Variants in UBE2V2 observed in about 807,000 individuals in gnomAD.
UBE2V2 encodes ubiquitin-conjugating enzyme E2 variant 2.
In UBE2V2, 9 loss-of-function variants were observed where a neutral mutation model predicts 17.2. The ratio of observed to expected loss-of-function variants is 0.52; its 90% confidence interval spans 0.32 to 0.91. The LOEUF (loss-of-function observed/expected upper bound fraction) is 0.91, where lower values mean the gene tolerates loss of function less well. Ranked by LOEUF, UBE2V2 falls within the 40% of genes least tolerant of loss-of-function variation. The pLI is 0.04. For missense variants in UBE2V2, 133 were observed against 182.6 expected, an observed-to-expected ratio of 0.73 and a Z score of 1.56; for synonymous variants, 61 against 57.5, an observed-to-expected ratio of 1.06 and a Z score of -0.28.
At chr8:48,002,334 G>A in the UBE2V2 span, among the ~76,000 whole-genome samples, 52 of 152,320 alleles carry the variant, frequency 3.4e-4, no homozygotes, top group Middle Eastern at 6.8e-3. Flanking sequence ...TATGTACACA[G>A]TAGAATACTA....
At chr8:48,005,919 T>C (rs548796086), upstream of UBE2V2, among the ~76,000 whole-genome samples, 7 of 152,364 alleles carry the variant, frequency 4.6e-5, no homozygotes, top group East Asian at 1.3e-3. Context: ...ATTGGCCCTT[T>C]GTCAGATGGA....
intron 3 of UBE2V2, among the ~76,000 whole-genome samples, chr8:48,059,620 C>A (rs1311908006): frequency 6.6e-6 from 1 of 151,804 alleles, no homozygotes; most frequent in Non-Finnish European, 1.5e-5. Flanking sequence ...TCTATGTTGG[C>A]CATGCTGGTC....
intron 3 of UBE2V2, among the ~76,000 whole-genome samples, chr8:48,055,359 C>T (rs1191081508): frequency 6.6e-6 from 1 of 151,032 alleles, no homozygotes; most frequent in Non-Finnish European, 1.5e-5. Flanking sequence ...GCCAACATGA[C>T]CAGCTAATTT....
chr8:48,039,739 T>C (rs922757702), intron 1 of UBE2V2, among the ~76,000 whole-genome samples: 2 of 152,260 alleles, frequency 1.3e-5, no homozygotes, highest in East Asian at 1.9e-4. Flanking sequence ...ACTTTTTTTT[T>C]CCTTCTCTTT....
chr8:48,037,536 T>C (rs1172052159), intron 1 of UBE2V2, among the ~76,000 whole-genome samples: 1 of 152,216 alleles, frequency 6.6e-6, no homozygotes, highest in Non-Finnish European at 1.5e-5. Context: ...CTGGTTAGGT[T>C]CTTAGTAGAG....
chr8:48,026,830 T>G (rs2091349543), intron 1 of UBE2V2, among the ~76,000 whole-genome samples: 1 of 152,220 alleles, frequency 6.6e-6, no homozygotes, highest in Non-Finnish European at 1.5e-5. Context: ...GTTGGTGGTG[T>G]TTTCCACCAT....
intron 1 of UBE2V2, among the ~76,000 whole-genome samples, chr8:48,010,406 T>G (rs1384851023): frequency 3.3e-5 from 5 of 149,856 alleles, no homozygotes; most frequent in Admixed American, 6.6e-5. Flanking sequence ...CTAGTTTTTT[T>G]TTTTTTTTTT....
At chr8:48,043,216 CTTATTG>C (rs747986854) in intron 2 of UBE2V2, 35 bp downstream of exon 2, 2 of 1,375,282 alleles carry the variant, frequency 1.5e-6, no homozygotes, top group Non-Finnish European at 1.9e-6. Flanking sequence ...TCTATTAATA[CTTATTG>C]TTAAAGTTAG....
intron 3 of UBE2V2, among the ~76,000 whole-genome samples, chr8:48,053,875 G>A (rs529936030): frequency 1.3e-5 from 2 of 150,810 alleles, no homozygotes; most frequent in African/African-American, 4.9e-5. Flanking sequence ...CATGATCTCA[G>A]CTCACTGCAA....
At position 48,022,832 on chromosome 8, in the gene UBE2V2, A is replaced by G. The variant is rs2091314866; in HGVS notation, c.16+14362A>G. The stretch of plus-strand genomic sequence containing the variant: ...CATTTTTTTTTTTTTTTAAAGAGAG[A>G]CAAGGTCTGTTGCCCAGACTGGTCT... On this transcript the variant is annotated intron_variant, in intron 1 of 3. Transcript: ENST00000523111. Among the ~76,000 whole-genome samples, 3 of 150,296 alleles carry G rather than the reference A, an allele frequency of 2.0e-5. No homozygotes were observed. In the Admixed American group the frequency reaches 2.0e-4, roughly 10 times the overall value.
chr8:48,054,669 A>G (rs1456004809), intron 3 of UBE2V2, among the ~76,000 whole-genome samples: 1 of 152,206 alleles, frequency 6.6e-6, no homozygotes, highest in East Asian at 1.9e-4. Flanking sequence ...ATTGTAGTTC[A>G]TAGGCATTGA....
rs548820385 is a variant in UBE2V2 at position 48,035,855 on chromosome 8, C to T, written c.17-7178C>T. ...GCAGTGAGCTGAGATCATGCCGCTGCACTGTAGCCTGGGTGACAGAGTGAC... is the reference window on the plus strand; with the variant it reads ...GCAGTGAGCTGAGATCATGCCGCTGTACTGTAGCCTGGGTGACAGAGTGAC... On this transcript the variant is annotated intron_variant, in intron 1 of 3. Coordinates refer to ENST00000523111, the MANE Select transcript of UBE2V2 (RefSeq NM_003350.3). 1.9e-4 allele frequency among the ~76,000 whole-genome samples: 28 copies of T among 149,536 alleles called. No individual in the cohort carries two copies. The South Asian group carries it at 5.9e-3, about 32-fold the overall frequency.
intron 1 of UBE2V2, among the ~76,000 whole-genome samples, chr8:48,019,234 G>A (rs1017963699): frequency 2.0e-5 from 3 of 151,618 alleles, no homozygotes; most frequent in African/African-American, 4.8e-5. Flanking sequence ...GTGTGGTGGC[G>A]GGCGCCTGTG....
At chr8:48,004,041 T>C (rs1446296997), upstream of UBE2V2, among the ~76,000 whole-genome samples, 1 of 152,214 alleles carries the variant, frequency 6.6e-6, no homozygotes, top group African/African-American at 2.4e-5. Context: ...GACCATTTTC[T>C]GCTATAACTA....
chr8:48,043,801 A>G (rs2091480208), intron 2 of UBE2V2, among the ~76,000 whole-genome samples: 1 of 152,216 alleles, frequency 6.6e-6, no homozygotes, highest in Non-Finnish European at 1.5e-5. Flanking sequence ...CATCTATAAA[A>G]AGTCTATGAT....
At chr8:48,021,844 T>C (rs6993292) in intron 1 of UBE2V2, among the ~76,000 whole-genome samples, 33,897 of 150,576 alleles carry the variant, frequency 0.23, 7,413 homozygotes, top group African/African-American at 0.56. Flanking sequence ...TGCGCCACCA[T>C]GTCTGGCTAA....
chr8:48,052,863 C>T (rs143828183), intron 3 of UBE2V2, among the ~76,000 whole-genome samples: 117 of 152,312 alleles, frequency 7.7e-4, no homozygotes, highest in African/African-American at 2.4e-3. Flanking sequence ...TCCTTCCTCC[C>T]CAGTCTGGCT....
intron 1 of UBE2V2, chr8:48,042,654 T>C (rs1347080271): frequency 6.5e-6 from 1 of 154,184 alleles, no homozygotes; most frequent in African/African-American, 2.4e-5. Flanking sequence ...TTAGAGAGTA[T>C]ATATTAATGA....
chr8:48,001,072 C>T, the UBE2V2 span, among the ~76,000 whole-genome samples: 15 of 152,054 alleles, frequency 9.9e-5, no homozygotes, highest in Non-Finnish European at 2.1e-4. Flanking sequence ...CAACCGAGTG[C>T]GCTCCCTCAC....
Sources: gnomAD v4.1 joint callset for allele counts (sites outside exome capture counted in the v4.1 genomes callset) on GRCh38, gnomAD v4.1.1 for gene constraint, MANE v1.5 for transcripts, NCBI Gene and HGNC (gene_info 2026-07-23, HGNC 2026-07-21) for gene names.